Variants in BMPER observed in about 807,000 individuals in gnomAD.
BMPER encodes the protein BMP binding endothelial regulator, also known as BMP-binding endothelial regulator protein.
BMPER carries 45 observed loss-of-function variants against 87.3 expected under a neutral mutation model. The ratio of observed to expected loss-of-function variants is 0.52; its 90% CI spans 0.41 to 0.66. BMPER has a LOEUF of 0.66. BMPER is among the 30% of genes least tolerant of loss of function. The pLI, the probability that BMPER is intolerant of heterozygous loss-of-function variation, is 0.00. For synonymous variants in BMPER, 326 were observed against 316.2 expected (o/e 1.03, Z -0.33); for missense variants, 784 against 867.5 (o/e 0.90, Z 1.21).
At chr7:34,117,575 T>C (rs1790149214) in intron 13 of BMPER, among the ~76,000 whole-genome samples, 1 of 152,208 alleles carries the variant, frequency 6.6e-6, no homozygotes, top group Admixed American at 6.5e-5. Flanking sequence ...AAAACCTTTA[T>C]CATAACTCGA....
intron 13 of BMPER, among the ~76,000 whole-genome samples, chr7:34,089,917 G>A (rs1237252953): frequency 6.6e-6 from 1 of 152,268 alleles, no homozygotes; most frequent in East Asian, 1.9e-4. Context: ...TTACTTCATA[G>A]TAATCAATAT....
intron 2 of BMPER, among the ~76,000 whole-genome samples, chr7:33,924,949 A>G (rs1784325844): frequency 6.6e-6 from 1 of 152,210 alleles, no homozygotes; most frequent in African/African-American, 2.4e-5. Context: ...GGCGCGAGCC[A>G]CTGCACCCGG....
intron 13 of BMPER, 36 bp downstream of exon 13, chr7:34,086,128 C>T (rs1194650637): frequency 6.3e-7 from 1 of 1,598,088 alleles, no homozygotes; most frequent in Non-Finnish European, 8.6e-7. Flanking sequence ...TTTTGGGTTG[C>T]AGACCAATAA....
chr7:34,101,469 C>A (rs1254609563), intron 13 of BMPER, among the ~76,000 whole-genome samples: 1 of 152,186 alleles, frequency 6.6e-6, no homozygotes, highest in Admixed American at 6.5e-5. Context: ...TAAATAATCA[C>A]TGGATGATGC....
intron 6 of BMPER, among the ~76,000 whole-genome samples, chr7:33,981,804 G>T (rs148030028): frequency 6.6e-6 from 1 of 152,306 alleles, no homozygotes; most frequent in East Asian, 1.9e-4. Context: ...AAGAAAAAGA[G>T]ATTCATTTCA....
At position 34,071,343 on chromosome 7, in the gene BMPER, C is replaced by T. The variant is rs1054304178; in HGVS notation, c.1079-7514C>T. Reference sequence around the variant, plus strand: ...TTGCAATGCTATCTTTATAATCACCCGGCAAGGTAATTGTTCTTAGAGTCA... The same window carrying T: ...TTGCAATGCTATCTTTATAATCACCTGGCAAGGTAATTGTTCTTAGAGTCA... On this transcript the variant is annotated intron_variant, in intron 11 of 14. Transcript: ENST00000649409. Among the ~76,000 whole-genome samples the T allele has an allele frequency of 3.9e-5, 6 of 152,218 alleles. No homozygotes were observed. The East Asian group carries it at 5.8e-4, about 15-fold the overall frequency.
intron 13 of BMPER, among the ~76,000 whole-genome samples, chr7:34,101,504 A>G (rs1242583351): frequency 6.6e-6 from 1 of 152,244 alleles, no homozygotes; most frequent in East Asian, 1.9e-4. Flanking sequence ...AAAATTGTGC[A>G]CTAATCAGTG....
At chr7:34,024,383 CAATATATATATATATA>C (rs1787292661) in intron 6 of BMPER, among the ~76,000 whole-genome samples, 1 of 7,248 alleles carries the variant, frequency 1.4e-4, no homozygotes, top group African/African-American at 5.3e-4. Flanking sequence ...AAAAAAAAAA[CAATATATATATATATA>C]TATATATATA....
At chr7:34,052,070 G>C (rs951912890) in intron 8 of BMPER, 100 bp downstream of exon 8, 3 of 1,101,818 alleles carry the variant, frequency 2.7e-6, no homozygotes, top group Non-Finnish European at 4.2e-6. Context: ...GTTATTTATT[G>C]GGAGGAAGCA....
chr7:33,945,714 A>G (rs1164812609), intron 3 of BMPER, among the ~76,000 whole-genome samples: 2 of 152,148 alleles, frequency 1.3e-5, no homozygotes, highest in African/African-American at 2.4e-5. Flanking sequence ...TCATGGAAGT[A>G]CCAGAAGGAC....
At chr7:34,020,187 G>A (rs769876522) in intron 6 of BMPER, among the ~76,000 whole-genome samples, 3 of 151,786 alleles carry the variant, frequency 2.0e-5, no homozygotes, top group Non-Finnish European at 4.4e-5. Context: ...TTGTCCTGAG[G>A]GCAGACAGGA....
chr7:34,150,481 T>C (rs1791142806), intron 14 of BMPER, among the ~76,000 whole-genome samples: 1 of 152,214 alleles, frequency 6.6e-6, no homozygotes, highest in African/African-American at 2.4e-5. Flanking sequence ...CTTCCATTTG[T>C]GACCACCATT....
intron 6 of BMPER, among the ~76,000 whole-genome samples, chr7:33,981,705 C>G (rs879147762): frequency 6.6e-6 from 1 of 152,192 alleles, no homozygotes; most frequent in South Asian, 2.1e-4. Context: ...TCTTCTCTCT[C>G]TGCTACTTTC....
chr7:34,067,211 C>T (rs1788616600), intron 11 of BMPER: 1 of 152,174 alleles, frequency 6.6e-6, no homozygotes, highest in Non-Finnish European at 1.5e-5. Flanking sequence ...TGGTTTCCAG[C>T]TGTGTGCAGG....
In BMPER at chr7:33,940,416, C is replaced by G. The variant is rs1784723399; in HGVS notation, c.319+3028C>G. 3.9e-5 allele frequency among the ~76,000 whole-genome samples: 6 copies of G among 152,082 alleles called. No homozygotes were observed. In the South Asian group the frequency reaches 1.0e-3, roughly 26 times the overall value. ...GTGAGTAAAGGCAAGAAGCTAAAGC[C>G]AAAGAGCCTTGCGTAGTAAAGGAAT... On this transcript the variant is annotated intron_variant, in intron 3 of 14. Transcript: ENST00000649409.
intron 13 of BMPER, among the ~76,000 whole-genome samples, chr7:34,108,251 G>A (rs1251027371): frequency 6.6e-6 from 1 of 152,194 alleles, no homozygotes; most frequent in Non-Finnish European, 1.5e-5. Context: ...CCTACATGGG[G>A]GTTGTACACT....
intron 6 of BMPER, among the ~76,000 whole-genome samples, chr7:34,023,447 G>A (rs917760752): frequency 2.6e-5 from 4 of 152,040 alleles, no homozygotes; most frequent in African/African-American, 7.2e-5. Context: ...GTGGCTGAGG[G>A]ATGTTAGTCA....
Position 33,970,359 on chromosome 7 carries a change from T to C in BMPER, c.433T>C (p.Cys145Arg). The C allele has an allele frequency of 6.2e-7, 1 of 1,614,172 alleles. No individual in the cohort carries two copies. Among genetic ancestry groups the C allele is most frequent in the Non-Finnish European group, 8.5e-7 (1 of 1,180,000 alleles). The part of the protein sequence containing the change: ...EGVVTESGVR[C>R]VVHCKNPLEH... ...CGTTGTCACAGAGTCTGGGGTGCGC[T>C]GTGTTGTTCATTGTAAAAACCCTTT... The change falls in exon 5 of 15, where the codon TGT (cysteine) becomes CGT (arginine). Residue 145 changes from cysteine (C) to arginine (R), a missense_variant. Physicochemically the swap from Cys to Arg is radical, Grantham distance 180. Transcript: ENST00000649409.
chr7:34,106,907 T>G (rs2127984712), intron 13 of BMPER, among the ~76,000 whole-genome samples: 1 of 152,360 alleles, frequency 6.6e-6, no homozygotes. Context: ...CCTACCCACC[T>G]TTCCATATCT....
Sources: gnomAD v4.1 joint callset for allele counts (sites outside exome capture counted in the v4.1 genomes callset) on GRCh38, gnomAD v4.1.1 for gene constraint, MANE v1.5 for transcripts, NCBI Gene and HGNC (gene_info 2026-07-23, HGNC 2026-07-21) for gene names.